Variants in MAGI2 observed in about 807,000 individuals in gnomAD.
The protein encoded by MAGI2 is membrane-associated guanylate kinase, WW and PDZ domain-containing protein 2.
MAGI2 carries 35 observed loss-of-function variants against 133.3 expected under a neutral mutation model. That is an observed-to-expected ratio of 0.26 (90% CI 0.20 to 0.35). The LOEUF (loss-of-function observed/expected upper bound fraction) is 0.35, where lower values mean the gene tolerates loss of function less well. MAGI2 is among the 10% of genes least tolerant of loss of function. The pLI, the probability that MAGI2 is intolerant of heterozygous loss-of-function variation, is 1.00. For synonymous variants in MAGI2, 729 were observed against 710.6 expected (o/e 1.03, Z -0.41); for missense variants, 1,636 against 1,863.4 (o/e 0.88, Z 2.25).
intron 1 of MAGI2, among the ~76,000 whole-genome samples, chr7:79,136,391 A>C (rs1215399808): frequency 1.3e-5 from 2 of 152,190 alleles, no homozygotes; most frequent in African/African-American, 4.8e-5. Context: ...GGTTATGAAG[A>C]GAGTGAAGGC....
At chr7:78,037,851 A>G (rs1172968500) in intron 21 of MAGI2, among the ~76,000 whole-genome samples, 2 of 152,226 alleles carry the variant, frequency 1.3e-5, no homozygotes, top group African/African-American at 4.8e-5. Flanking sequence ...GACCTGCTGT[A>G]GAATGGTCCC....
chr7:78,934,058 T>C (rs1012541910), intron 2 of MAGI2, among the ~76,000 whole-genome samples: 4 of 152,158 alleles, frequency 2.6e-5, no homozygotes, highest in African/African-American at 9.6e-5. Flanking sequence ...TGATGCAGGT[T>C]TTCTACTAAT....
chr7:78,563,484 C>T (rs562830108), intron 3 of MAGI2, among the ~76,000 whole-genome samples: 1 of 152,088 alleles, frequency 6.6e-6, no homozygotes, highest in African/African-American at 2.4e-5. Context: ...TTTTTGGAAA[C>T]CAGGAGTGTG....
chr7:78,581,840 G>A (rs1373412456), intron 3 of MAGI2, among the ~76,000 whole-genome samples: 2 of 152,130 alleles, frequency 1.3e-5, no homozygotes, highest in African/African-American at 4.8e-5. Flanking sequence ...ATTGGGCAAA[G>A]GGAGTATGAA....
At chr7:78,449,252 T>C (rs1434828205) in intron 6 of MAGI2, among the ~76,000 whole-genome samples, 1 of 151,998 alleles carries the variant, frequency 6.6e-6, no homozygotes, top group African/African-American at 2.4e-5. Context: ...GACTGTATGT[T>C]TGAGCCCAGA....
chr7:79,315,656 A>G (rs568889648), intron 1 of MAGI2, among the ~76,000 whole-genome samples: 4 of 152,142 alleles, frequency 2.6e-5, no homozygotes, highest in East Asian at 1.9e-4. Context: ...GCATTCAAGT[A>G]TAAGCAGGAT....
intron 2 of MAGI2, among the ~76,000 whole-genome samples, chr7:78,872,762 G>A (rs1390932999): frequency 2.6e-5 from 4 of 152,036 alleles, no homozygotes; most frequent in African/African-American, 9.7e-5. Context: ...GGGTGAAATG[G>A]TGCTTAAGAC....
intron 2 of MAGI2, among the ~76,000 whole-genome samples, chr7:78,628,289 A>AACAAGTATGC (rs113764367): frequency 6.6e-6 from 1 of 151,432 alleles, no homozygotes; most frequent in Non-Finnish European, 1.5e-5. Context: ...CATACATGCA[A>AACAAGTATGC]AGAAATATAT....
intron 20 of MAGI2, among the ~76,000 whole-genome samples, chr7:78,121,479 T>C (rs1167243043): frequency 6.6e-6 from 1 of 152,144 alleles, no homozygotes; most frequent in Non-Finnish European, 1.5e-5. Context: ...GAACGTCTAA[T>C]AAATATAAGA....
rs1025256968 is a variant in MAGI2, at chr7:79,088,196, C to T, written c.302-80990G>A. Among the ~76,000 whole-genome samples the T allele has an allele frequency of 4.6e-5, 7 of 151,616 alleles. No homozygotes were observed. In the South Asian group the frequency reaches 6.2e-4, roughly 13 times the overall value. On this transcript the variant is annotated intron_variant, in intron 1 of 21. Coordinates refer to ENST00000354212, the MANE Select transcript of MAGI2 (RefSeq NM_012301.4). Reference sequence around the variant, plus strand: ...AGCAATAGTTAGTAGTTCTCCTTGACGAACTACAACCCCTTGAAGAGGACC... The same window carrying T: ...AGCAATAGTTAGTAGTTCTCCTTGATGAACTACAACCCCTTGAAGAGGACC...
chr7:79,204,446 C>A (rs895134367), intron 1 of MAGI2, among the ~76,000 whole-genome samples: 1 of 152,056 alleles, frequency 6.6e-6, no homozygotes, highest in Non-Finnish European at 1.5e-5. Flanking sequence ...GCAGCTGCAC[C>A]AGGCTTCTGG....
rs1554442399 is a variant in MAGI2, at chr7:78,497,754, A to ATCTATCTGTCTGTCTG, written c.965+3822_965+3823insCAGACAGACAGATAGA. 9.8e-3 allele frequency among the ~76,000 whole-genome samples: 1,027 copies of ATCTATCTGTCTGTCTG among 104,474 alleles called. 5 individuals are homozygous for ATCTATCTGTCTGTCTG. Among genetic ancestry groups the ATCTATCTGTCTGTCTG allele is most frequent in the South Asian group, 0.019 (48 of 2,540 alleles). The allele number at this position is 104,474 out of a possible 152,430, so 68.5% of individuals were successfully genotyped here. ...TATCTATCTATCTATCTATCTATCT[A>ATCTATCTGTCTGTCTG]TCTATCTATCTTTCTATCTTATACA... On this transcript the variant is annotated intron_variant, in intron 5 of 21. Transcript: ENST00000354212.
At chr7:78,126,287 C>G (rs1254717230) in intron 19 of MAGI2, among the ~76,000 whole-genome samples, 1 of 151,892 alleles carries the variant, frequency 6.6e-6, no homozygotes, top group Non-Finnish European at 1.5e-5. Flanking sequence ...TTAGATCTCT[C>G]AGTTGCACAG....
At chr7:79,011,076 G>A (rs1438056147) in intron 1 of MAGI2, 1 of 152,106 alleles carries the variant, frequency 6.6e-6, no homozygotes. Flanking sequence ...AACGAGGCAA[G>A]TGAAGCTCAC....
intron 1 of MAGI2, among the ~76,000 whole-genome samples, chr7:79,024,270 G>A (rs1034977803): frequency 5.9e-5 from 9 of 152,076 alleles, no homozygotes; most frequent in South Asian, 2.1e-4. Context: ...TGGGTTAACC[G>A]ACTTGCCATA....
intron 1 of MAGI2, among the ~76,000 whole-genome samples, chr7:79,174,015 GAATAT>G (rs1390642571): frequency 6.6e-6 from 1 of 151,754 alleles, no homozygotes; most frequent in Non-Finnish European, 1.5e-5. Flanking sequence ...GAAAGGAAAG[GAATAT>G]AATATAATAG....
rs538156604 is a variant in MAGI2, at chr7:78,678,017, C to T, written c.419-50778G>A. On this transcript the variant is annotated intron_variant, in intron 2 of 21. Coordinates refer to ENST00000354212, the MANE Select transcript of MAGI2 (RefSeq NM_012301.4). ...CCAAGAAAGGGGCAAAGGAAAAATT[C>T]ATATTCAAGTTCAGGTACTGGAGAA... is the stretch of plus-strand genomic sequence containing the variant. Among the ~76,000 whole-genome samples the T allele has an allele frequency of 3.4e-4, 52 of 152,160 alleles. 1 individual carries two copies. Among genetic ancestry groups the T allele is most frequent in the African/African-American group, 1.1e-3 (44 of 41,552 alleles).
chr7:78,437,449 G>A lies in MAGI2; in HGVS notation c.1045+52312C>T, dbSNP rs574639517. On this transcript the variant is annotated intron_variant, in intron 6 of 21. Coordinates refer to ENST00000354212, the MANE Select transcript of MAGI2 (RefSeq NM_012301.4). ...AATAGAAAGCAGTGGTACAAAGCAG[G>A]GCAAAGTCTGCTTACCAGAAAAGAC... 3.9e-5 allele frequency among the ~76,000 whole-genome samples: 6 copies of A among 152,264 alleles called. No individual in the cohort carries two copies. In the South Asian group the frequency reaches 1.2e-3, roughly 32 times the overall value.
intron 1 of MAGI2, among the ~76,000 whole-genome samples, chr7:79,159,457 C>T (rs112954091): frequency 0.016 from 2,409 of 146,590 alleles, 68 homozygotes; most frequent in African/African-American, 0.057. Flanking sequence ...ACAGAGGTTG[C>T]GGGTGAGCTG....
Sources: gnomAD v4.1 joint callset for allele counts (sites outside exome capture counted in the v4.1 genomes callset) on GRCh38, gnomAD v4.1.1 for gene constraint, MANE v1.5 for transcripts, NCBI Gene and HGNC (gene_info 2026-07-23, HGNC 2026-07-21) for gene names.